PSD3: variants seen among roughly 807,000 people sequenced by gnomAD.
PSD3 encodes PH and SEC7 domain-containing protein 3.
In PSD3, 49 loss-of-function variants were observed where a neutral mutation model predicts 105.5. The ratio of observed to expected loss-of-function variants is 0.46; its 90% CI spans 0.37 to 0.59. The LOEUF (loss-of-function observed/expected upper bound fraction) is 0.59. Ranked by LOEUF, PSD3 falls within the 20% of genes least tolerant of loss-of-function variation. The pLI is 0.00. For missense variants in PSD3, 1,561 were observed against 1,263.8 expected (o/e 1.24, Z -3.57); for synonymous variants, 557 against 457.8 (o/e 1.22, Z -2.77).
intron 9 of PSD3, among the ~76,000 whole-genome samples, chr8:18,757,717 T>A (rs1036079042): frequency 2.0e-5 from 3 of 152,232 alleles, no homozygotes; most frequent in East Asian, 3.8e-4. Flanking sequence ...TCCACTTTCC[T>A]AAACAATTCT....
intron 4 of PSD3, among the ~76,000 whole-genome samples, chr8:18,809,705 T>C (rs965703478): frequency 6.6e-6 from 1 of 152,242 alleles, no homozygotes; most frequent in Non-Finnish European, 1.5e-5. Context: ...TGGTGTTCCA[T>C]GATTGCCAAC....
At chr8:18,560,015 C>G (rs746710214) in intron 14 of PSD3, among the ~76,000 whole-genome samples, 9 of 152,142 alleles carry the variant, frequency 5.9e-5, no homozygotes, top group Admixed American at 3.3e-4. Flanking sequence ...AGGCAGGAGT[C>G]AATAAAGTAA....
chr8:19,036,940 T>C (rs535982470), intron 1 of PSD3, among the ~76,000 whole-genome samples: 2 of 152,304 alleles, frequency 1.3e-5, no homozygotes, highest in South Asian at 4.1e-4. Flanking sequence ...GTATCCATGT[T>C]GCAACTCCCC....
At chr8:19,074,848 C>G (rs1466304247) in intron 1 of PSD3, among the ~76,000 whole-genome samples, 2 of 151,648 alleles carry the variant, frequency 1.3e-5, no homozygotes, top group African/African-American at 4.8e-5. Flanking sequence ...TCTCGATCTC[C>G]TGACCTTGTG....
chr8:18,687,403 T>C (rs542814703), intron 9 of PSD3, among the ~76,000 whole-genome samples: 3 of 152,082 alleles, frequency 2.0e-5, no homozygotes, highest in Admixed American at 6.5e-5. Flanking sequence ...GAGGTTGAGG[T>C]TGCAGTGAGC....
chr8:18,624,940 T>C (rs1472871887), intron 11 of PSD3, among the ~76,000 whole-genome samples: 2 of 152,098 alleles, frequency 1.3e-5, no homozygotes, highest in Non-Finnish European at 2.9e-5. Context: ...CTTGCTATGT[T>C]GCCCAGGCTG....
chr8:18,739,252 T>C (rs1473482), intron 9 of PSD3, among the ~76,000 whole-genome samples: 131,311 of 152,240 alleles, frequency 0.86, 56,940 homozygotes, highest in Non-Finnish European at 0.91. Flanking sequence ...CACAAAAATA[T>C]AGAACTGTAG....
chr8:18,926,168 C>T (rs1027854161), intron 2 of PSD3, among the ~76,000 whole-genome samples: 1 of 151,508 alleles, frequency 6.6e-6, no homozygotes, highest in African/African-American at 2.4e-5. Context: ...AAAATGATCG[C>T]TTCTTAGAAG....
intron 8 of PSD3, among the ~76,000 whole-genome samples, chr8:18,781,875 T>C (rs1346297246): frequency 6.6e-6 from 1 of 152,182 alleles, no homozygotes; most frequent in African/African-American, 2.4e-5. Context: ...ATAAGCTTTC[T>C]TCGTTTTTAT....
chr8:18,574,527 G>A (rs898080983), intron 13 of PSD3, among the ~76,000 whole-genome samples: 1 of 152,056 alleles, frequency 6.6e-6, no homozygotes, highest in Non-Finnish European at 1.5e-5. Flanking sequence ...CCCTAAAACT[G>A]GCAATTCATC....
intron 2 of PSD3, among the ~76,000 whole-genome samples, chr8:18,908,608 T>C (rs561850888): frequency 6.6e-6 from 1 of 152,190 alleles, no homozygotes; most frequent in Non-Finnish European, 1.5e-5. Flanking sequence ...ACAGTCTGTC[T>C]CCTTATGAAA....
At chr8:18,740,319 C>G (rs571976965) in intron 9 of PSD3, among the ~76,000 whole-genome samples, 1 of 152,294 alleles carries the variant, frequency 6.6e-6, no homozygotes, top group East Asian at 1.9e-4. Context: ...TCTCTCTCCT[C>G]GGAATCTGAC....
At chr8:19,017,910 C>G (rs1162291995), upstream of PSD3, among the ~76,000 whole-genome samples, 2 of 152,186 alleles carry the variant, frequency 1.3e-5, no homozygotes, top group African/African-American at 4.8e-5. Context: ...TTCCATTTCT[C>G]TTTTCCATTC....
chr8:18,711,079 A>G (rs1179086001), intron 9 of PSD3, among the ~76,000 whole-genome samples: 2 of 152,208 alleles, frequency 1.3e-5, no homozygotes, highest in African/African-American at 2.4e-5. Flanking sequence ...TTTTCAGACA[A>G]GCAAATGATG....
At chr8:18,661,460 T>C (rs1190335013) in intron 9 of PSD3, among the ~76,000 whole-genome samples, 2 of 152,222 alleles carry the variant, frequency 1.3e-5, no homozygotes, top group East Asian at 3.9e-4. Flanking sequence ...ATAAAACCAG[T>C]TATTAGATAA....
chr8:18,565,276 G>A (rs1473797857), intron 14 of PSD3, among the ~76,000 whole-genome samples: 2 of 152,152 alleles, frequency 1.3e-5, no homozygotes, highest in Non-Finnish European at 2.9e-5. Context: ...CTGTGAACAG[G>A]GCCGGCCATG....
At chr8:19,049,388 A>G (rs1281727032) in intron 1 of PSD3, among the ~76,000 whole-genome samples, 1 of 152,162 alleles carries the variant, frequency 6.6e-6, no homozygotes, top group Non-Finnish European at 1.5e-5. Context: ...TGCCTTTACA[A>G]TCTATGAGAA....
intron 1 of PSD3, among the ~76,000 whole-genome samples, chr8:18,983,781 T>C (rs1825358287): frequency 6.6e-6 from 1 of 151,950 alleles, no homozygotes; most frequent in South Asian, 2.1e-4. Context: ...AGAGGATTGC[T>C]TGAGTCCAGG....
At chr8:18,958,214 T>C (rs373938075) in intron 1 of PSD3, among the ~76,000 whole-genome samples, 1 of 152,216 alleles carries the variant, frequency 6.6e-6, no homozygotes, top group African/African-American at 2.4e-5. Context: ...CAAGATATAC[T>C]GTTACATATA....
Sources: allele counts gnomAD v4.1 joint callset (sites outside exome capture counted in the v4.1 genomes callset), GRCh38; gene constraint gnomAD v4.1.1; transcripts MANE v1.5; gene names NCBI Gene and HGNC (gene_info 2026-07-23, HGNC 2026-07-21).